The following RABL2B variants were observed in gnomAD, a reference collection of about 807,000 sequenced individuals.
The protein encoded by RABL2B is rab-like protein 2B.
A neutral mutation model predicts 26.7 loss-of-function variants in RABL2B; 17 were observed. The observed-to-expected ratio is 0.64, with a 90% CI of 0.44 to 0.95. The LOEUF is 0.95. Ranked by LOEUF, RABL2B falls within the 40% of genes least tolerant of loss-of-function variation. RABL2B has a pLI of 0.00. For synonymous variants in RABL2B, 70 were observed against 103.9 expected (o/e 0.67, Z 1.99); for missense variants, 170 against 277.2 (o/e 0.61, Z 2.75).
At chr22:50,780,497 C>G (rs2085656856) in intron 2 of RABL2B, 1 of 341,000 alleles carries the variant, frequency 2.9e-6, no homozygotes. Context: ...ATGTGTTAAC[C>G]TCTTAATGGG....
At chr22:50,778,916 AGAT>A (rs2085383549) in intron 2 of RABL2B, among the ~76,000 whole-genome samples, 2 of 150,022 alleles carry the variant, frequency 1.3e-5, no homozygotes, top group Non-Finnish European at 2.9e-5. Flanking sequence ...AAAGGAGGAT[AGAT>A]TTTATTTATA....
At chr22:50,776,815 G>A (rs1475159885) in intron 3 of RABL2B, 66 bp from the exon 4 acceptor site, 2 of 1,546,936 alleles carry the variant, frequency 1.3e-6, no homozygotes, top group Admixed American at 2.0e-5. Context: ...GAGCAGGGGT[G>A]TTTGGTTTGA....
At chr22:50,775,548 T>C (rs1206185870) in intron 5 of RABL2B, among the ~76,000 whole-genome samples, 1 of 152,158 alleles carries the variant, frequency 6.6e-6, no homozygotes, top group African/African-American at 2.4e-5. Context: ...CTGAGCTTGC[T>C]GTTCCACCTT....
At chr22:50,783,316 GT>G in intron 1 of RABL2B, 184 bp downstream of exon 1, 1 of 154,818 alleles carries the variant, frequency 6.5e-6, no homozygotes, top group East Asian at 1.8e-4. Context: ...TTCGATAAAT[GT>G]TTTTGGCCAC....
chr22:50,781,112 G>A (rs1440846751), intron 2 of RABL2B, among the ~76,000 whole-genome samples: 2 of 152,032 alleles, frequency 1.3e-5, no homozygotes, highest in Admixed American at 6.5e-5. Context: ...AGGCTGAGGT[G>A]GGCGGATCAC....
Position 50,772,264 on chromosome 22 carries a change from G to A in RABL2B, c.298-2248C>T, listed in dbSNP as rs539714699. The A allele has an allele frequency of 3.0e-5, 28 of 940,544 alleles. No individual in the cohort carries two copies. In the Admixed American group the frequency reaches 1.2e-3, roughly 39 times the overall value. 58.3% of individuals were successfully genotyped at this position (940,544 alleles called of 1,614,324 possible). A position where few individuals can be genotyped will look rare whatever the true frequency, so the allele number is the denominator to read the frequency against. On this transcript the variant is annotated intron_variant, in intron 5 of 8. Coordinates refer to ENST00000691320, the MANE Select transcript of RABL2B (RefSeq NM_001130919.3). ...GGCTGGTCTCGAACTCCTGACCTCAGGTGATCTGCCCGCCTAGGCCTCCCA... is the reference window on the plus strand; with the variant it reads ...GGCTGGTCTCGAACTCCTGACCTCAAGTGATCTGCCCGCCTAGGCCTCCCA...
In RABL2B at chr22:50,768,701, C is replaced by T; in HGVS notation, c.*75G>A. ...GAAGAGGGGATGGCCTAGAGAGTTT[C>T]TCCATTCAGAGCTGGAGAGTTGTTG... On this transcript the variant is annotated 3_prime_UTR_variant, in exon 9 of 9. Transcript: ENST00000691320. 5 of 1,501,140 alleles carry T rather than the reference C, an allele frequency of 3.3e-6. No individual in the cohort carries two copies. The Admixed American group carries it at 7.3e-5, about 22-fold the overall frequency. The allele number at this position is 1,501,140 out of a possible 1,614,324, so 93.0% of individuals were successfully genotyped here.
In RABL2B at chr22:50,769,900, CCCA is replaced by C. The variant is rs2083889327; in HGVS notation, c.409+2_409+4del. ...GCTAACACCCAGGTGCAGGGATGGC[CCCA>C]CCATCAATTTTATTGGCCACCACGA... is the stretch of plus-strand genomic sequence containing the variant. On this transcript the variant is annotated splice_donor_variant and splice_donor_region_variant and intron_variant, in intron 6 of 8. Coordinates refer to ENST00000691320, the MANE Select transcript of RABL2B (RefSeq NM_001130919.3). LOFTEE classifies it high-confidence loss of function. The C allele has an allele frequency of 6.2e-7, 1 of 1,611,330 alleles. No homozygotes were observed. The highest frequency in any genetic ancestry group is 1.1e-5 in the South Asian group (1 of 91,008).
At chr22:50,778,002 G>T in intron 2 of RABL2B, 21 bp from the exon 3 acceptor site, 2 of 1,614,050 alleles carry the variant, frequency 1.2e-6, no homozygotes, top group Non-Finnish European at 1.7e-6. Context: ...AACAGGCAAG[G>T]TGGTCAGATG....
rs1180171999 is a variant in RABL2B at position 50,776,612 on chromosome 22, C to A, written c.217+58G>T. 3.9e-6 allele frequency: 6 copies of A among 1,554,902 alleles called. No homozygotes were observed. In the African/African-American group the frequency reaches 6.8e-5, roughly 18 times the overall value. On this transcript the variant is annotated intron_variant, in intron 4 of 8. Transcript: ENST00000691320. ...CCTTATGAACCTTCCCTCACCTCCC[C>A]TCGTCTCCCATTTCCTCTTTCCTGA...
chr22:50,776,433 T>C (rs1555924102), intron 4 of RABL2B, among the ~76,000 whole-genome samples: 1 of 152,238 alleles, frequency 6.6e-6, no homozygotes, highest in Admixed American at 6.5e-5. Flanking sequence ...TCCTGAACCC[T>C]GTCCTGCACA....
intron 2 of RABL2B, among the ~76,000 whole-genome samples, chr22:50,780,899 T>G (rs2085726182): frequency 6.6e-6 from 1 of 152,238 alleles, no homozygotes. Flanking sequence ...GCTTTACACC[T>G]GCCTGCCATT....
At chr22:50,777,265 A>C (rs2085133884) in intron 3 of RABL2B, among the ~76,000 whole-genome samples, 1 of 152,224 alleles carries the variant, frequency 6.6e-6, no homozygotes, top group African/African-American at 2.4e-5. Context: ...GGCTGCAAGA[A>C]GCCGGACAGT....
rs782344974 is a variant in RABL2B, at chr22:50,768,815, G to A, written c.651C>T (p.Ile217=). ...AGGCCGCCTCCTCTGATGGGGTCTC[G>A]ATGCTGCTGCTCTGTTCCTGGTCTG... is the stretch of plus-strand genomic sequence containing the variant. ...DVPDQEQSSS[I]ETPSEEAASP... Residue 217 remains isoleucine (I), a synonymous_variant, in exon 9 of 9, where the codon ATC becomes ATT. Transcript: ENST00000691320. The A allele has an allele frequency of 1.4e-5, 23 of 1,613,648 alleles. No individual in the cohort carries two copies. In the East Asian group the frequency reaches 4.5e-4, roughly 31 times the overall value.
intron 2 of RABL2B, 151 bp from the exon 3 acceptor site, chr22:50,778,132 G>T: frequency 8.6e-7 from 1 of 1,158,708 alleles, no homozygotes; most frequent in Non-Finnish European, 1.3e-6. Context: ...GTCAAGTCTG[G>T]AAGTTGGGTA....
rs1296068100 is a variant in RABL2B, at chr22:50,777,799, C to A, written c.137+153G>T. On this transcript the variant is annotated intron_variant, in intron 3 of 8. Transcript: ENST00000691320. The stretch of plus-strand genomic sequence containing the variant: ...ATTGTGCAATGCCATGTGGGTCAAT[C>A]GGCAAGAAACAAGTGCGGAACAAAA... 10 of 1,184,592 alleles carry A rather than the reference C, an allele frequency of 8.4e-6. No homozygotes were observed. The Admixed American group carries it at 1.7e-4, about 20-fold the overall frequency. 73.4% of individuals were successfully genotyped at this position (1,184,592 alleles called of 1,614,324 possible).
rs1555916508 is a variant in RABL2B at position 50,769,468 on chromosome 22, G to A, written c.494C>T (p.Thr165Ile). Residue 165 changes from threonine to isoleucine, a missense_variant, in exon 7 of 9, where the codon ACC becomes ATC. Around this residue, in one of 2 missense-constraint regions of RABL2B, gnomAD observed 165 missense variants for 232.0 expected, o/e 0.71. Coordinates refer to ENST00000691320, the MANE Select transcript of RABL2B (RefSeq NM_001130919.3). ...AGTCAACCACACCTTCACAACATTGGTACCATCAGCAGCCGAGACGAAATA... is the reference window on the plus strand; with the variant it reads ...AGTCAACCACACCTTCACAACATTGATACCATCAGCAGCCGAGACGAAATA... ...PLYFVSAADGTNVVKLFNDAI... is the reference protein window; with the variant it reads ...PLYFVSAADGINVVKLFNDAI... 2 of 1,612,160 alleles carry A rather than the reference G, an allele frequency of 1.2e-6. No individual in the cohort carries two copies. Among genetic ancestry groups the A allele is most frequent in the South Asian group, 2.2e-5 (2 of 91,008 alleles).
chr22:50,779,524 G>A (rs1346423070), intron 2 of RABL2B, among the ~76,000 whole-genome samples: 1 of 152,014 alleles, frequency 6.6e-6, no homozygotes, highest in Non-Finnish European at 1.5e-5. Flanking sequence ...CTCACACCAT[G>A]TGGCCTTAGT....
In RABL2B at chr22:50,768,759, C is replaced by T. The variant is rs570061883; in HGVS notation, c.*17G>A. 1.6e-5 allele frequency: 26 copies of T among 1,613,636 alleles called. No homozygotes were observed. Among genetic ancestry groups the T allele is most frequent in the Middle Eastern group, 3.3e-4 (2 of 6,066 alleles). ...GGGTATTTTAAAAGGGCTCCACCCA[C>T]CCCTAGCCCCAGCCCCTCAGCTGTG... On this transcript the variant is annotated 3_prime_UTR_variant, in exon 9 of 9. Coordinates refer to ENST00000691320, the MANE Select transcript of RABL2B (RefSeq NM_001130919.3).
Sources: allele counts gnomAD v4.1 joint callset (sites outside exome capture counted in the v4.1 genomes callset), GRCh38; gene constraint gnomAD v4.1.1; regional missense constraint gnomAD v4.1.1; transcripts MANE v1.5; gene names NCBI Gene and HGNC (gene_info 2026-07-23, HGNC 2026-07-21).